The following FIRRM variants were observed in gnomAD, a reference collection of about 807,000 sequenced individuals.
FIRRM encodes FIGNL1-interacting regulator of recombination and mitosis.
chr1:169,828,867 T>G, the FIRRM span, among the ~76,000 whole-genome samples: 2 of 151,666 alleles, frequency 1.3e-5, no homozygotes, highest in Non-Finnish European at 3.0e-5. Flanking sequence ...TATTTTTAAT[T>G]TGTTGTTTAA....
the FIRRM span, among the ~76,000 whole-genome samples, chr1:169,804,813 G>A: frequency 6.6e-6 from 1 of 152,152 alleles, no homozygotes. Flanking sequence ...CTCATGAGTA[G>A]CTGGGATTAT....
At chr1:169,841,560 CAG>C in the FIRRM span, among the ~76,000 whole-genome samples, 2 of 152,128 alleles carry the variant, frequency 1.3e-5, no homozygotes, top group Non-Finnish European at 1.5e-5. Context: ...CATTTCTGGC[CAG>C]AGAGAGAATT....
At chr1:169,790,446 A>G in the FIRRM span, among the ~76,000 whole-genome samples, 1 of 152,074 alleles carries the variant, frequency 6.6e-6, no homozygotes, top group South Asian at 2.1e-4. Context: ...TTGGCCTCCC[A>G]AAGTGCTGGG....
the FIRRM span, chr1:169,851,992 T>A: frequency 1.2e-6 from 2 of 1,612,434 alleles, no homozygotes; most frequent in Non-Finnish European, 1.7e-6. Context: ...CTGCCCTTTT[T>A]ACTTACTGAC....
chr1:169,804,973 G>A, the FIRRM span, among the ~76,000 whole-genome samples: 17 of 152,128 alleles, frequency 1.1e-4, no homozygotes, highest in African/African-American at 2.9e-4. Context: ...ATGAGCCACC[G>A]TGCCCAGCCA....
the FIRRM span, chr1:169,792,826 A>T: frequency 3.1e-6 from 5 of 1,613,804 alleles, no homozygotes; most frequent in Non-Finnish European, 4.2e-6. Flanking sequence ...CTGAGGTGAG[A>T]ATGAGATCAT....
chr1:169,838,054 C>T, the FIRRM span, among the ~76,000 whole-genome samples: 3 of 152,146 alleles, frequency 2.0e-5, no homozygotes, highest in African/African-American at 2.4e-5. Context: ...TCTCCTGCCT[C>T]AGCCTCCTGA....
the FIRRM span, among the ~76,000 whole-genome samples, chr1:169,810,987 G>A: frequency 4.7e-4 from 71 of 151,478 alleles, no homozygotes; most frequent in African/African-American, 1.7e-3. Context: ...AGCCTCCCGA[G>A]TAGCTGGGAC....
the FIRRM span, among the ~76,000 whole-genome samples, chr1:169,837,476 AC>A: frequency 1.3e-5 from 2 of 152,184 alleles, no homozygotes; most frequent in Non-Finnish European, 2.9e-5. Context: ...CTTACTCTGA[AC>A]CTTTATGTAC....
At chr1:169,817,131 A>T in the FIRRM span, among the ~76,000 whole-genome samples, 1 of 152,220 alleles carries the variant, frequency 6.6e-6, no homozygotes, top group Admixed American at 6.5e-5. Context: ...TAAAAAAAAA[A>T]AAATTACTTC....
chr1:169,803,435 T>A, the FIRRM span: 1 of 974,736 alleles, frequency 1.0e-6, no homozygotes, highest in Admixed American at 3.3e-5. Flanking sequence ...TTCCATAGAA[T>A]AAAGAACATG....
chr1:169,846,231 A>G, the FIRRM span, among the ~76,000 whole-genome samples: 904 of 152,334 alleles, frequency 5.9e-3, 3 homozygotes, highest in South Asian at 0.023. Context: ...ACAGTGATAT[A>G]AACAGGTATG....
chr1:169,844,863 G>T, the FIRRM span, among the ~76,000 whole-genome samples: 2 of 152,118 alleles, frequency 1.3e-5, no homozygotes, highest in Non-Finnish European at 2.9e-5. Context: ...TTCACCTCAA[G>T]ATTCTTTTAA....
the FIRRM span, chr1:169,826,999 A>C: frequency 1.3e-6 from 2 of 1,565,606 alleles, no homozygotes; most frequent in Non-Finnish European, 1.8e-6. Flanking sequence ...TACTCTACCT[A>C]AAATTAGAAG....
At chr1:169,800,324 C>T in the FIRRM span, among the ~76,000 whole-genome samples, 13 of 151,908 alleles carry the variant, frequency 8.6e-5, no homozygotes, top group South Asian at 2.5e-3. Context: ...GGATTACAGG[C>T]GTGAGCCACC....
the FIRRM span, chr1:169,823,504 C>G: frequency 7.3e-7 from 1 of 1,376,982 alleles, no homozygotes; most frequent in Middle Eastern, 1.8e-4. Context: ...TATTAAGATA[C>G]AACAATGCCA....
At chr1:169,849,861 C>T in the FIRRM span, 2 of 501,488 alleles carry the variant, frequency 4.0e-6, no homozygotes, top group Admixed American at 3.6e-5. Context: ...CAGACAGACA[C>T]AGACACAGTC....
At chr1:169,822,848 A>G in the FIRRM span, among the ~76,000 whole-genome samples, 2 of 152,142 alleles carry the variant, frequency 1.3e-5, no homozygotes, top group Admixed American at 6.5e-5. Flanking sequence ...ATGACTCTCA[A>G]ATACGCAGCC....
the FIRRM span, among the ~76,000 whole-genome samples, chr1:169,828,120 A>G: frequency 1.3e-5 from 2 of 152,338 alleles, no homozygotes; most frequent in South Asian, 2.1e-4. Context: ...AGTAGCTATA[A>G]GTAGAAACAT....
Sources: allele counts gnomAD v4.1 joint callset (sites outside exome capture counted in the v4.1 genomes callset), GRCh38; gene constraint gnomAD v4.1.1; transcripts MANE v1.5; gene names NCBI Gene and HGNC (gene_info 2026-07-23, HGNC 2026-07-21).